The following MLXIPL variants were observed in gnomAD, a reference collection of about 807,000 sequenced individuals.
The protein encoded by MLXIPL is carbohydrate-responsive element-binding protein.
MLXIPL carries 49 observed loss-of-function variants against 81.5 expected under a neutral mutation model. That is an observed-to-expected ratio of 0.60 (90% CI 0.48 to 0.76). The LOEUF is 0.76. MLXIPL is among the 30% of genes least tolerant of loss of function. MLXIPL has a pLI of 0.00. For synonymous variants in MLXIPL, 466 were observed against 485.5 expected (o/e 0.96, Z 0.53); for missense variants, 1,053 against 1,167.0 (o/e 0.90, Z 1.42).
At chr7:73,607,853 C>CTTTTTTTTTTTTTTTTTT (rs1166806013) in intron 2 of MLXIPL, among the ~76,000 whole-genome samples, 181 bp from the exon 3 acceptor site, 2 of 110,360 alleles carry the variant, frequency 1.8e-5, no homozygotes, top group African/African-American at 3.8e-5. Context: ...CTAGATCTTC[C>CTTTTTTTTTTTTTTTTTT]TTTTTTTTTT....
intron 4 of MLXIPL, 91 bp downstream of exon 4, chr7:73,607,240 G>C (rs1156308887): frequency 2.2e-6 from 3 of 1,385,640 alleles, no homozygotes; most frequent in Non-Finnish European, 2.0e-6. Flanking sequence ...TCGGGGGTCA[G>C]GATCCCCTTT....
rs1796587368 is a variant in MLXIPL, at chr7:73,624,374, C to A, written c.119G>T (p.Gly40Val). The A allele has an allele frequency of 6.4e-7, 1 of 1,574,584 alleles. No homozygotes were observed. Among genetic ancestry groups the A allele is most frequent in the African/African-American group, 1.3e-5 (1 of 74,328 alleles). Residue 40 changes from glycine to valine, a missense_variant, in exon 1 of 17, where the codon GGC (glycine) becomes GTC (valine). Gly to Val is a moderately radical substitution (Grantham distance 109). Transcript: ENST00000313375. Reference sequence around the variant, plus strand: ...GTGGATGACCTGCGAGCGGAGCAAGCCGCCCGCGCTGCGCCGGAGACTCGG... The same window carrying A: ...GTGGATGACCTGCGAGCGGAGCAAGACGCCCGCGCTGCGCCGGAGACTCGG... ...EDPSLRRSAG[G>V]LLRSQVIHSG...
chr7:73,647,767 G>C, the MLXIPL span, among the ~76,000 whole-genome samples: 1 of 151,764 alleles, frequency 6.6e-6, no homozygotes, highest in Non-Finnish European at 1.5e-5. Context: ...GGGGCTCCAC[G>C]CCCTCACCTG....
chr7:73,615,742 G>A (rs1554600612), intron 2 of MLXIPL, among the ~76,000 whole-genome samples: 3 of 151,856 alleles, frequency 2.0e-5, no homozygotes, highest in Admixed American at 6.6e-5. Context: ...TGGTGAAACC[G>A]TCTCTACTAA....
At chr7:73,597,149 C>T (rs1321378852) in intron 9 of MLXIPL, 33 bp downstream of exon 9, 2 of 1,579,928 alleles carry the variant, frequency 1.3e-6, no homozygotes, top group Non-Finnish European at 8.6e-7. Flanking sequence ...GCCTCCCTCC[C>T]CAGGCTTTCC....
chr7:73,599,557 A>G lies in MLXIPL; in HGVS notation c.1040T>C (p.Met347Thr). 6.2e-7 allele frequency: 1 copy of G among 1,613,174 alleles called. No individual in the cohort carries two copies. Among genetic ancestry groups the G allele is most frequent in the South Asian group, 1.1e-5 (1 of 91,040 alleles). Residue 347 changes from methionine (M) to threonine (T), a missense_variant, in exon 8 of 17, where the codon ATG becomes ACG. This residue lies in a region of MLXIPL where 823 missense variants were observed against 933.0 expected (regional missense o/e 0.88). Transcript: ENST00000313375. The part of the protein sequence containing the change: ...GPEVPPASSA[M>T]THLSGHSRLQ... ...ACGGCTGTGTCCAGAGAGGTGGGTC[A>G]TGGCCGAGGAAGCCGGGGGCACCTC...
chr7:73,624,369 G>T lies in MLXIPL; in HGVS notation c.124C>A (p.Leu42Ile). ...CCGCTGTGGATGACCTGCGAGCGGA[G>T]CAAGCCGCCCGCGCTGCGCCGGAGA... is the stretch of plus-strand genomic sequence containing the variant. ...PSLRRSAGGL[L>I]RSQVIHSGHF... Residue 42 changes from leucine (L) to isoleucine (I), a missense_variant, in exon 1 of 17, where the codon CTC (leucine) becomes ATC (isoleucine). Coordinates refer to ENST00000313375, the MANE Select transcript of MLXIPL (RefSeq NM_032951.3). 6.3e-7 allele frequency: 1 copy of T among 1,577,234 alleles called. No individual in the cohort carries two copies. Among genetic ancestry groups the T allele is most frequent in the Non-Finnish European group, 8.6e-7 (1 of 1,166,086 alleles).
intron 7 of MLXIPL, among the ~76,000 whole-genome samples, chr7:73,602,106 G>A (rs148967523): frequency 1.9e-5 from 2 of 104,206 alleles, no homozygotes; most frequent in African/African-American, 7.9e-5. Flanking sequence ...CTTCCTGCCT[G>A]CCTGCCTGCC....
At chr7:73,625,695 A>C (rs1411020658), upstream of MLXIPL, among the ~76,000 whole-genome samples, 2 of 152,134 alleles carry the variant, frequency 1.3e-5, no homozygotes, top group Non-Finnish European at 2.9e-5. Flanking sequence ...CAAGAGGTGG[A>C]GGTTGCAGTG....
In MLXIPL at chr7:73,596,099, G is replaced by A. The variant is rs1189262671; in HGVS notation, c.2058+54C>T. 6.2e-7 allele frequency: 1 copy of A among 1,601,858 alleles called. No individual in the cohort carries two copies. The highest frequency in any genetic ancestry group is 8.5e-7 in the Non-Finnish European group (1 of 1,176,686). On this transcript the variant is annotated intron_variant, in intron 13 of 16. Transcript: ENST00000313375. This position sits in a 1 kb window ranked among gnomAD's most constrained non-coding sequence, Gnocchi z 4.7. ...TGCAATTGAGTTTTGGGTGGGGGGG[G>A]TCCAGAAAGGGGCCCTGTGGTTTTG...
At chr7:73,620,112 C>G (rs566092064) in intron 1 of MLXIPL, among the ~76,000 whole-genome samples, 325 of 151,178 alleles carry the variant, frequency 2.1e-3, no homozygotes, top group Non-Finnish European at 3.6e-3. Flanking sequence ...CTATTTAAAA[C>G]TATTAATAGG....
At chr7:73,643,636 G>A in the MLXIPL span, among the ~76,000 whole-genome samples, 1 of 152,286 alleles carries the variant, frequency 6.6e-6, no homozygotes, top group South Asian at 2.1e-4. Flanking sequence ...TTTCTGCTGG[G>A]CTGCTTGGTG....
chr7:73,645,634 G>A, the MLXIPL span, among the ~76,000 whole-genome samples: 1 of 152,168 alleles, frequency 6.6e-6, no homozygotes, highest in Non-Finnish European at 1.5e-5. Context: ...CACCACCCAT[G>A]TTGCTTCCAG....
chr7:73,595,884 T>C lies in MLXIPL; in HGVS notation c.2144A>G (p.Gln715Arg). The part of the protein sequence containing the change: ...QERAGLQEEA[Q>R]QLRDEIEELN... Reference sequence around the variant, plus strand: ...CTCCTCAATCTCATCCCGCAGCTGCTGGGCCTCCTCCTGCAAGCCCGCACG... The same window carrying C: ...CTCCTCAATCTCATCCCGCAGCTGCCGGGCCTCCTCCTGCAAGCCCGCACG... The change falls in exon 14 of 17, where the codon CAG (glutamine) becomes CGG (arginine). Residue 715 changes from glutamine to arginine, a missense_variant. This residue lies in a region of MLXIPL where 823 missense variants were observed against 933.0 expected (regional missense o/e 0.88). Transcript: ENST00000313375. 6.2e-7 allele frequency: 1 copy of C among 1,612,558 alleles called. No individual in the cohort carries two copies. The highest frequency in any genetic ancestry group is 8.5e-7 in the Non-Finnish European group (1 of 1,179,592).
In MLXIPL at chr7:73,606,925, T is replaced by C. The variant is rs1208715923; in HGVS notation, c.618+49A>G. ...ACTGTCAACTCTGCCTCCCATCTACTTGGGGGGCAAAGGGATGCCCTTGCC... is the reference window on the plus strand; with the variant it reads ...ACTGTCAACTCTGCCTCCCATCTACCTGGGGGGCAAAGGGATGCCCTTGCC... On this transcript the variant is annotated intron_variant, in intron 5 of 16. Coordinates refer to ENST00000313375, the MANE Select transcript of MLXIPL (RefSeq NM_032951.3). 6.3e-6 allele frequency: 10 copies of C among 1,597,880 alleles called. No homozygotes were observed. The African/African-American group carries it at 6.7e-5, about 11-fold the overall frequency.
chr7:73,607,323 C>T lies in MLXIPL; in HGVS notation c.573+8G>A. The T allele has an allele frequency of 6.4e-7, 1 of 1,560,320 alleles. No homozygotes were observed. The highest frequency in any genetic ancestry group is 8.7e-7 in the Non-Finnish European group (1 of 1,151,646). On this transcript the variant is annotated splice_region_variant and intron_variant, in intron 4 of 16. Transcript: ENST00000313375. ...GCTCTGGGGCCTCCCTGGCCCTCCC[C>T]CACTGACCCGCTTCTTGTAGTAGAT...
intron 6 of MLXIPL, 30 bp downstream of exon 6, chr7:73,605,880 C>A (rs6967107): frequency 0.08 from 125,229 of 1,567,580 alleles, 5,440 homozygotes; most frequent in Middle Eastern, 0.1. Context: ...GGCCTTCACC[C>A]CTCTCCCCTG....
chr7:73,638,288 G>A, the MLXIPL span, among the ~76,000 whole-genome samples: 1 of 152,074 alleles, frequency 6.6e-6, no homozygotes, highest in Non-Finnish European at 1.5e-5. Context: ...TACCAGAACA[G>A]GTCATCTAAC....
the MLXIPL span, among the ~76,000 whole-genome samples, chr7:73,642,926 T>C: frequency 6.6e-6 from 1 of 152,250 alleles, no homozygotes; most frequent in East Asian, 1.9e-4. Flanking sequence ...TTGGTCTTTC[T>C]AGTGAACAGC....
Sources: gnomAD v4.1 joint callset for allele counts (sites outside exome capture counted in the v4.1 genomes callset) on GRCh38, gnomAD v4.1.1 for gene constraint, gnomAD v4.1.1 regional missense constraint, Gnocchi (gnomAD v3.1) non-coding constraint, MANE v1.5 for transcripts, NCBI Gene and HGNC (gene_info 2026-07-23, HGNC 2026-07-21) for gene names.